GPC4: variants seen among roughly 807,000 people sequenced by gnomAD.
GPC4 encodes glypican-4.
GPC4 carries 10 observed loss-of-function variants against 35.0 expected under a neutral mutation model. That is an observed-to-expected ratio of 0.29 (90% confidence interval 0.18 to 0.48). The LOEUF (loss-of-function observed/expected upper bound fraction) is 0.48. GPC4 is among the 20% of genes least tolerant of loss of function. The pLI is 0.99. For missense variants in GPC4, 322 were observed against 451.3 expected, an observed-to-expected ratio of 0.71 and a Z score of 2.60; for synonymous variants, 167 against 170.2, an observed-to-expected ratio of 0.98 and a Z score of 0.15.
intron 1 of GPC4, among the ~76,000 whole-genome samples, chrX:133,339,555 A>C (rs905532807): frequency 7.1e-5 from 8 of 112,251 alleles, no homozygotes; most frequent in African/African-American, 2.6e-4. Context: ...AGAACTTTCC[A>C]ATCAGAGAGA....
intron 3 of GPC4, among the ~76,000 whole-genome samples, chrX:133,323,596 T>C (rs773541464): frequency 2.7e-5 from 3 of 112,797 alleles, no homozygotes; most frequent in East Asian, 2.8e-4. Context: ...ACTTTCTGTA[T>C]TGGTAATTCT....
In GPC4 at chrX:133,324,306, C is replaced by T. The variant is rs1400156463; in HGVS notation, c.550G>A (p.Asp184Asn). ...TTGCTCACACATTCCAGATACTCAT[C>T]TGTAAAGTGGTACTGGGAGTTCACC... ...RLVNSQYHFT[D>N]EYLECVSKYT... Residue 184 changes from aspartate (D) to asparagine (N), a missense_variant, in exon 3 of 9, where the codon GAT (aspartate) becomes AAT (asparagine). Physicochemically the swap from Asp to Asn is conservative, Grantham distance 23. Around this residue, in one of 3 missense-constraint regions of GPC4, gnomAD observed 163 missense variants for 277.2 expected, o/e 0.59. Transcript: ENST00000370828. 1.7e-6 allele frequency: 2 copies of T among 1,211,812 alleles called. No homozygotes were observed. Among genetic ancestry groups the T allele is most frequent in the South Asian group, 1.8e-5 (1 of 56,988 alleles).
At chrX:133,307,562 T>C (rs2068296197) in intron 4 of GPC4, among the ~76,000 whole-genome samples, 1 of 111,851 alleles carries the variant, frequency 8.9e-6, no homozygotes, top group African/African-American at 3.3e-5. Context: ...AAAGCATGAA[T>C]ATACCATTGT....
At chrX:133,340,329 C>G (rs188588140) in intron 1 of GPC4, among the ~76,000 whole-genome samples, 79 of 111,379 alleles carry the variant, frequency 7.1e-4, no homozygotes, top group Non-Finnish European at 1.3e-3. Context: ...AAATAAACCC[C>G]ACTAGCTACT....
At chrX:133,316,314 C>T (rs182393716) in intron 3 of GPC4, among the ~76,000 whole-genome samples, 87 of 111,959 alleles carry the variant, frequency 7.8e-4, no homozygotes, top group African/African-American at 2.6e-3. Flanking sequence ...AAGGGACTCA[C>T]ACAAGGTCTT....
intron 1 of GPC4, among the ~76,000 whole-genome samples, chrX:133,398,947 C>T (rs1324305147): frequency 9.0e-6 from 1 of 111,273 alleles, no homozygotes; most frequent in Non-Finnish European, 1.9e-5. Flanking sequence ...GCTGCATTTG[C>T]TTACAATCCT....
At chrX:133,311,219 C>T in intron 4 of GPC4, 39 bp downstream of exon 4, 1 of 1,169,640 alleles carries the variant, frequency 8.5e-7, no homozygotes, top group Non-Finnish European at 1.2e-6. Flanking sequence ...GGAAGCTAAG[C>T]TATCTCCAGC....
intron 1 of GPC4, among the ~76,000 whole-genome samples, chrX:133,363,733 G>A (rs2068578566): frequency 9.0e-6 from 1 of 110,936 alleles, no homozygotes; most frequent in Non-Finnish European, 1.9e-5. Context: ...TTGAGTTTTA[G>A]TATATTCACA....
chrX:133,398,386 T>C (rs897895120), intron 1 of GPC4, among the ~76,000 whole-genome samples: 7 of 111,432 alleles, frequency 6.3e-5, no homozygotes, highest in African/African-American at 2.0e-4. Context: ...CTAGGTAAAA[T>C]TGTCAGGCAT....
rs57898529 is a variant in GPC4 at position 133,324,550 on chromosome X, CAAAAAA to C, written c.320-20_320-15del. 806 of 803,793 alleles carry C rather than the reference CAAAAAA, an allele frequency of 1.0e-3. No individual in the cohort carries two copies. The highest frequency in any genetic ancestry group is 1.4e-3 in the South Asian group (25 of 18,116). 66.2% of individuals were successfully genotyped at this position (803,793 alleles called of 1,213,427 possible). On this transcript the variant is annotated splice_polypyrimidine_tract_variant and intron_variant, in intron 2 of 8. Coordinates refer to ENST00000370828, the MANE Select transcript of GPC4 (RefSeq NM_001448.3). ...CTTTGAAGAATTCTGAAACCAACAC[CAAAAAA>C]AAAAAAAAAAAAAGGAAAAACGAGA...
chrX:133,376,251 T>C (rs1171044235), intron 1 of GPC4, among the ~76,000 whole-genome samples: 2 of 112,110 alleles, frequency 1.8e-5, no homozygotes, highest in Non-Finnish European at 3.8e-5. Context: ...GCACTGTGTA[T>C]GTTGGGGAGG....
At chrX:133,414,740 G>A (rs1257766035) in intron 1 of GPC4, 66 bp downstream of exon 1, 24 of 1,164,530 alleles carry the variant, frequency 2.1e-5, no homozygotes, top group Non-Finnish European at 2.6e-5. Flanking sequence ...GGCGGGGGAA[G>A]GGAGTTGCAG....
intron 1 of GPC4, among the ~76,000 whole-genome samples, chrX:133,360,747 G>A (rs2068563887): frequency 8.9e-6 from 1 of 111,841 alleles, no homozygotes; most frequent in African/African-American, 3.2e-5. Context: ...GACAGCAGAA[G>A]TGACAGCTGA....
At chrX:133,371,201 T>C (rs895480508) in intron 1 of GPC4, among the ~76,000 whole-genome samples, 1 of 112,531 alleles carries the variant, frequency 8.9e-6, no homozygotes, top group Non-Finnish European at 1.9e-5. Context: ...TTGGAAACTA[T>C]GGCAAAGTTT....
intron 1 of GPC4, among the ~76,000 whole-genome samples, chrX:133,353,563 T>C (rs192488214): frequency 8.9e-6 from 1 of 111,848 alleles, no homozygotes; most frequent in African/African-American, 3.2e-5. Flanking sequence ...CATAAACCAA[T>C]TGATTTGGTC....
chrX:133,304,972 C>T, intron 6 of GPC4, 111 bp from the exon 7 acceptor site: 2 of 716,994 alleles, frequency 2.8e-6, no homozygotes, highest in South Asian at 5.3e-5. Context: ...ATATGCAATT[C>T]ATTTTCAACT....
intron 1 of GPC4, among the ~76,000 whole-genome samples, chrX:133,358,641 C>G (rs2068552562): frequency 8.9e-6 from 1 of 111,937 alleles, no homozygotes. Flanking sequence ...CCTATCACAT[C>G]AAAGGAAGGG....
At chrX:133,337,920 C>T (rs980876956) in intron 2 of GPC4, among the ~76,000 whole-genome samples, 1 of 109,664 alleles carries the variant, frequency 9.1e-6, no homozygotes, top group Non-Finnish European at 1.9e-5. Flanking sequence ...AAATTGTTCC[C>T]ATTCATCCAG....
intron 1 of GPC4, among the ~76,000 whole-genome samples, chrX:133,387,313 C>T (rs979315199): frequency 1.5e-4 from 17 of 111,455 alleles, no homozygotes; most frequent in South Asian, 7.6e-4. Context: ...TTATATGCTG[C>T]GAATAATGTC....
Sources: allele counts gnomAD v4.1 joint callset (sites outside exome capture counted in the v4.1 genomes callset), GRCh38; gene constraint gnomAD v4.1.1; regional missense constraint gnomAD v4.1.1; transcripts MANE v1.5; gene names NCBI Gene and HGNC (gene_info 2026-07-23, HGNC 2026-07-21).